ZNF461: variants seen among roughly 807,000 people sequenced by gnomAD.
ZNF461 encodes zinc finger protein 461.
In ZNF461, 16 loss-of-function variants were observed where a neutral mutation model predicts 18.3. The ratio of observed to expected loss-of-function variants is 0.88; its 90% CI spans 0.59 to 1.33. ZNF461 has a LOEUF of 1.33. Ranked by LOEUF, ZNF461 falls within the 40% of genes most tolerant of loss-of-function variation. The pLI, the probability that ZNF461 is intolerant of heterozygous loss-of-function variation, is 0.00. For synonymous variants in ZNF461, 179 were observed against 216.9 expected, an observed-to-expected ratio of 0.83 and a Z score of 1.54; for missense variants, 595 against 669.9, an observed-to-expected ratio of 0.89 and a Z score of 1.23.
At position 36,639,516 on chromosome 19, in the gene ZNF461, C is replaced by G; in HGVS notation, c.829G>C (p.Glu277Gln). 4 of 1,613,608 alleles carry G rather than the reference C, an allele frequency of 2.5e-6. No homozygotes were observed. The highest frequency in any genetic ancestry group is 3.4e-6 in the Non-Finnish European group (4 of 1,179,626). ...CCATAATTAAAGGCCTTCCCACATT[C>G]GTTACATTCATAGCGTTTTTCACCA... Reference protein sequence around the residue: ...HNGEKRYECNECGKAFNYGSE... With the variant: ...HNGEKRYECNQCGKAFNYGSE... The change falls in exon 6 of 6, where the codon GAA (glutamate) becomes CAA (glutamine). Residue 277 changes from glutamate to glutamine, a missense_variant. Coordinates refer to ENST00000588268, the MANE Select transcript of ZNF461 (RefSeq NM_153257.5).
rs1224044771 is a variant in ZNF461, at chr19:36,637,092, T to G, written c.*1561A>C. The G allele has an allele frequency of 2.6e-5, 4 of 152,216 alleles. No homozygotes were observed. The highest frequency in any genetic ancestry group is 4.4e-5 in the Non-Finnish European group (3 of 68,048). The allele number at this position is 152,216 out of a possible 1,614,324, so 9.4% of individuals were successfully genotyped here. On this transcript the variant is annotated 3_prime_UTR_variant, in exon 6 of 6. Coordinates refer to ENST00000588268, the MANE Select transcript of ZNF461 (RefSeq NM_153257.5). Reference sequence around the variant, plus strand: ...ACTCCACAAGCCCTTTTCCCAACAGTTCTACCAAAAGTAACTTCCACTCAC... The same window carrying G: ...ACTCCACAAGCCCTTTTCCCAACAGGTCTACCAAAAGTAACTTCCACTCAC...
intron 4 of ZNF461, among the ~76,000 whole-genome samples, chr19:36,644,424 G>A (rs138458874): frequency 1.1e-4 from 17 of 148,900 alleles, no homozygotes; most frequent in East Asian, 8.1e-4. Context: ...GTGAACCACC[G>A]CATCTGGCTA....
Position 36,637,779 on chromosome 19 carries a change from T to C in ZNF461, c.*874A>G. 2.4e-6 allele frequency: 1 copy of C among 413,270 alleles called. No homozygotes were observed. The highest frequency in any genetic ancestry group is 4.7e-6 in the Non-Finnish European group (1 of 211,884). 25.6% of individuals were successfully genotyped at this position (413,270 alleles called of 1,614,324 possible). ...ATAACCTACTTTTGTCCAAAGAATT[T>C]ATGAAATTTACATGAAATATTCCCG... On this transcript the variant is annotated 3_prime_UTR_variant, in exon 6 of 6. Transcript: ENST00000588268.
intron 2 of ZNF461, among the ~76,000 whole-genome samples, chr19:36,662,207 T>C (rs902293693): frequency 6.6e-6 from 1 of 151,864 alleles, no homozygotes; most frequent in African/African-American, 2.4e-5. Flanking sequence ...TTAACTCTTT[T>C]TGGTAGGAGC....
intron 2 of ZNF461, 185 bp from the exon 3 acceptor site, chr19:36,658,610 C>A: frequency 2.1e-6 from 1 of 478,304 alleles, no homozygotes; most frequent in Non-Finnish European, 3.6e-6. Flanking sequence ...TGTTCTTAAA[C>A]AATTCATTTT....
intron 4 of ZNF461, among the ~76,000 whole-genome samples, chr19:36,646,900 A>G (rs2037538796): frequency 6.6e-6 from 1 of 152,212 alleles, no homozygotes; most frequent in Non-Finnish European, 1.5e-5. Context: ...TCCTAGATTT[A>G]ATTTCTAAGA....
At chr19:36,653,783 T>G (rs1447065484) in intron 4 of ZNF461, among the ~76,000 whole-genome samples, 1 of 151,932 alleles carries the variant, frequency 6.6e-6, no homozygotes, top group Admixed American at 6.6e-5. Context: ...CAAGATGAGA[T>G]TTGGGAAGGG....
chr19:36,643,682 T>G, intron 5 of ZNF461, 112 bp downstream of exon 5: 3 of 1,017,078 alleles, frequency 2.9e-6, no homozygotes, highest in Non-Finnish European at 3.9e-6. Context: ...TTCTGTGTGT[T>G]CTAGAAGTTT....
At chr19:36,660,640 A>C (rs1171759186) in intron 2 of ZNF461, among the ~76,000 whole-genome samples, 1 of 151,968 alleles carries the variant, frequency 6.6e-6, no homozygotes, top group Non-Finnish European at 1.5e-5. Flanking sequence ...ACATCTTCAA[A>C]ACCTATGATT....
chr19:36,638,605 T>C lies in ZNF461; in HGVS notation c.*48A>G. On this transcript the variant is annotated 3_prime_UTR_variant, in exon 6 of 6. Transcript: ENST00000588268. ...CTAATGAAACTGGTGGCTTACCAAC[T>C]TTTTCCTTAAATAAAACAAAGACAA... The C allele has an allele frequency of 7.0e-7, 1 of 1,418,986 alleles. No homozygotes were observed. Among genetic ancestry groups the C allele is most frequent in the Non-Finnish European group, 9.4e-7 (1 of 1,065,100 alleles). 87.9% of individuals were successfully genotyped at this position (1,418,986 alleles called of 1,614,324 possible). A position where few individuals can be genotyped will look rare whatever the true frequency, so the allele number is the denominator to read the frequency against.
chr19:36,643,925 G>T, intron 4 of ZNF461, 63 bp from the exon 5 acceptor site: 2 of 1,269,466 alleles, frequency 1.6e-6, no homozygotes, highest in South Asian at 1.7e-5. Context: ...ACAATAAAAA[G>T]AGAATATCTA....
rs1354233927 is a variant in ZNF461 at position 36,666,825 on chromosome 19, T to G, written c.-216A>C. On this transcript the variant is annotated 5_prime_UTR_variant, in exon 1 of 6. Coordinates refer to ENST00000588268, the MANE Select transcript of ZNF461 (RefSeq NM_153257.5). ...TACCCGGAGACCATTCCTGCGAGGC[T>G]CCTACCGGAAGTAGCTGTGGACAGC... 6.6e-6 allele frequency: 1 copy of G among 152,142 alleles called. No individual in the cohort carries two copies. The highest frequency in any genetic ancestry group is 2.4e-5 in the African/African-American group (1 of 41,370). The allele number at this position is 152,142 out of a possible 1,614,324, so 9.4% of individuals were successfully genotyped here.
chr19:36,665,606 G>A (rs1234389451), intron 1 of ZNF461, among the ~76,000 whole-genome samples: 1 of 151,592 alleles, frequency 6.6e-6, no homozygotes, highest in Non-Finnish European at 1.5e-5. Flanking sequence ...CTACTCGTGA[G>A]GCTGAGGCAG....
chr19:36,638,940 G>A lies in ZNF461; in HGVS notation c.1405C>T (p.His469Tyr), dbSNP rs572710601. Residue 469 changes from histidine to tyrosine, a missense_variant, in exon 6 of 6, where the codon CAT becomes TAT. Physicochemically the swap from His to Tyr is moderately conservative, Grantham distance 83. Transcript: ENST00000588268. ...HQRIHTGEKPHECMICGKAFR... is the reference protein window; with the variant it reads ...HQRIHTGEKPYECMICGKAFR... Reference sequence around the variant, plus strand: ...GCCTTACCACATATCATGCATTCATGAGGTTTCTCACCAGTATGAATTCTC... The same window carrying A: ...GCCTTACCACATATCATGCATTCATAAGGTTTCTCACCAGTATGAATTCTC... 3 of 1,606,684 alleles carry A rather than the reference G, an allele frequency of 1.9e-6. No homozygotes were observed. Among genetic ancestry groups the A allele is most frequent in the African/African-American group, 1.3e-5 (1 of 74,488 alleles).
At chr19:36,646,280 G>A (rs2037526919) in intron 4 of ZNF461, among the ~76,000 whole-genome samples, 1 of 152,084 alleles carries the variant, frequency 6.6e-6, no homozygotes, top group African/African-American at 2.4e-5. Flanking sequence ...ACAGGCGTGT[G>A]CCACCACGCC....
At position 36,639,408 on chromosome 19, in the gene ZNF461, G is replaced by A. The variant is rs200038545; in HGVS notation, c.937C>T (p.Arg313Ter). The stretch of plus-strand genomic sequence containing the variant: ...CTCTGATGTTGAGTAAGCTGTGATC[G>A]CTGTCTAAAGGCCTTCCCACATTCT... ...CKECGKAFRQRSQLTQHQRLH... is the reference protein window; with the variant it reads ...CKECGKAFRQ Residue 313 changes from arginine to a stop codon, truncating the protein, a stop_gained, in exon 6 of 6, where the codon CGA (arginine) becomes TGA (stop). Coordinates refer to ENST00000588268, the MANE Select transcript of ZNF461 (RefSeq NM_153257.5). LOFTEE classifies it low-confidence loss of function (END_TRUNC). 3.1e-4 allele frequency: 501 copies of A among 1,613,438 alleles called. 2 individuals carry two copies. Among genetic ancestry groups the A allele is most frequent in the South Asian group, 9.1e-4 (83 of 91,038 alleles).
Position 36,639,625 on chromosome 19 carries a change from T to A in ZNF461, c.720A>T (p.Gln240His). ...TACACTCATTGCATTTGTCACCATT[T>A]TGAATTGTCTGTTGTTTAAAAAGGC... ...TPCLFKQQTI[Q>H]NGDKCNECKE... Residue 240 changes from glutamine to histidine, a missense_variant, in exon 6 of 6, where the codon CAA becomes CAT. Transcript: ENST00000588268. 6.2e-7 allele frequency: 1 copy of A among 1,613,688 alleles called. No individual in the cohort carries two copies. The highest frequency in any genetic ancestry group is 8.5e-7 in the Non-Finnish European group (1 of 1,179,704).
intron 1 of ZNF461, among the ~76,000 whole-genome samples, chr19:36,665,132 G>A (rs1288489707): frequency 4.6e-5 from 7 of 152,024 alleles, no homozygotes; most frequent in African/African-American, 1.7e-4. Flanking sequence ...AGAGGAAAAA[G>A]AAAAGGTAAT....
chr19:36,658,894 A>G (rs2037771118), intron 2 of ZNF461, among the ~76,000 whole-genome samples: 2 of 152,154 alleles, frequency 1.3e-5, no homozygotes, highest in Admixed American at 6.6e-5. Context: ...ACACTGCTGT[A>G]TCTTGCATCC....
Sources: gnomAD v4.1 joint callset for allele counts (sites outside exome capture counted in the v4.1 genomes callset) on GRCh38, gnomAD v4.1.1 for gene constraint, MANE v1.5 for transcripts, NCBI Gene and HGNC (gene_info 2026-07-23, HGNC 2026-07-21) for gene names.